The following NPLOC4 variants were observed in gnomAD, a reference collection of about 807,000 sequenced individuals.
The protein encoded by NPLOC4 is nuclear protein localization protein 4 homolog.
A neutral mutation model predicts 80.6 loss-of-function variants in NPLOC4; 18 were observed. The observed-to-expected ratio is 0.22, with a 90% CI of 0.15 to 0.33. NPLOC4 has a LOEUF of 0.33. Ranked by LOEUF, NPLOC4 falls within the 10% of genes least tolerant of loss-of-function variation. The probability of loss-of-function intolerance (pLI) is 1.00; values close to 1 mark genes in which losing one functional copy is unlikely to be tolerated. For synonymous variants in NPLOC4, 313 were observed against 301.5 expected, an observed-to-expected ratio of 1.04 and a Z score of -0.39; for missense variants, 540 against 786.1, an observed-to-expected ratio of 0.69 and a Z score of 3.74.
At position 81,571,206 on chromosome 17, in the gene NPLOC4, C is replaced by T. The variant is rs190254169; in HGVS notation, c.1353+811G>A. Among the ~76,000 whole-genome samples the T allele has an allele frequency of 1.4e-4, 21 of 152,278 alleles. 1 individual carries two copies. The highest frequency in any genetic ancestry group is 4.3e-4 in the African/African-American group (18 of 41,556). ...GATATTTTACTGCCTGAATCACGTG[C>T]CCATCCAATTTCAAATGCAGCCTGA... On this transcript the variant is annotated intron_variant, in intron 13 of 16. Coordinates refer to ENST00000331134, the MANE Select transcript of NPLOC4 (RefSeq NM_017921.4).
intron 1 of NPLOC4, among the ~76,000 whole-genome samples, chr17:81,630,497 T>G (rs1440558867): frequency 2.0e-5 from 3 of 152,054 alleles, no homozygotes; most frequent in African/African-American, 7.2e-5. Context: ...CCCAGGCTGA[T>G]CTCGAGCTCC....
chr17:81,629,907 A>G, intron 1 of NPLOC4, 102 bp from the exon 2 acceptor site: 1 of 828,072 alleles, frequency 1.2e-6, no homozygotes, highest in Non-Finnish European at 2.0e-6. Flanking sequence ...GTCACTGAAA[A>G]TTAAAGCCAA....
chr17:81,583,838 T>C (rs1026149863), intron 12 of NPLOC4, among the ~76,000 whole-genome samples: 2 of 152,236 alleles, frequency 1.3e-5, no homozygotes, highest in African/African-American at 4.8e-5. Context: ...TGTAAATGTA[T>C]GTCCACATCC....
intron 16 of NPLOC4, 65 bp downstream of exon 16, chr17:81,565,440 G>A (rs576331230): frequency 3.0e-6 from 4 of 1,333,126 alleles, no homozygotes; most frequent in Admixed American, 2.0e-5. Context: ...GTGGGGAGCT[G>A]TGCAGAGTGG....
At chr17:81,565,366 C>T (rs1325196241) in intron 16 of NPLOC4, 139 bp downstream of exon 16, 6 of 770,606 alleles carry the variant, frequency 7.8e-6, no homozygotes, top group Non-Finnish European at 1.3e-5. Context: ...AGTCTCTACT[C>T]GTTGCATTGC....
At chr17:81,599,608 T>G (rs568331475) in intron 9 of NPLOC4, among the ~76,000 whole-genome samples, 1 of 152,290 alleles carries the variant, frequency 6.6e-6, no homozygotes, top group South Asian at 2.1e-4. Context: ...CTAGAGATTA[T>G]TTTTCATGGT....
At chr17:81,559,972 T>A (rs2033799020) in intron 16 of NPLOC4, among the ~76,000 whole-genome samples, 1 of 151,018 alleles carries the variant, frequency 6.6e-6, no homozygotes, top group Admixed American at 6.6e-5. Flanking sequence ...TGACCTCAGG[T>A]GATCCACCCA....
At chr17:81,635,862 AGTTT>A (rs966503412) in intron 1 of NPLOC4, among the ~76,000 whole-genome samples, 1 of 152,058 alleles carries the variant, frequency 6.6e-6, no homozygotes, top group Non-Finnish European at 1.5e-5. Flanking sequence ...ATGGTCAGTT[AGTTT>A]TTTTCCCATC....
intron 13 of NPLOC4, among the ~76,000 whole-genome samples, chr17:81,569,770 T>G (rs1353015294): frequency 1.3e-5 from 2 of 152,246 alleles, no homozygotes; most frequent in Non-Finnish European, 2.9e-5. Context: ...AGTCCTTCAC[T>G]GGCTCAGACA....
intron 16 of NPLOC4, among the ~76,000 whole-genome samples, chr17:81,559,930 T>C: frequency 6.6e-6 from 1 of 151,520 alleles, no homozygotes; most frequent in East Asian, 2.0e-4. Flanking sequence ...AACTAGGGTT[T>C]CACCATGTTG....
At chr17:81,627,186 C>A (rs1201719832) in intron 2 of NPLOC4, among the ~76,000 whole-genome samples, 1 of 150,746 alleles carries the variant, frequency 6.6e-6, no homozygotes, top group Admixed American at 6.7e-5. Flanking sequence ...GTCAGGAGAT[C>A]GAGACCATCC....
At position 81,567,673 on chromosome 17, in the gene NPLOC4, A is replaced by G. The variant is rs1350154372; in HGVS notation, c.1450-140T>C. The G allele has an allele frequency of 1.6e-6, 1 of 620,564 alleles. No individual in the cohort carries two copies. The highest frequency in any genetic ancestry group is 2.9e-6 in the Non-Finnish European group (1 of 342,646). 38.4% of individuals were successfully genotyped at this position (620,564 alleles called of 1,614,324 possible). On this transcript the variant is annotated intron_variant, in intron 14 of 16. Transcript: ENST00000331134. The surrounding 1 kb of genome is among the most constrained non-coding windows in gnomAD (Gnocchi z 4.5). The stretch of plus-strand genomic sequence containing the variant: ...TCCCTCTGCCTCTGCAACCACGAAC[A>G]GGGTCCAAGAAAGAGGAGCAGGCAG...
chr17:81,628,367 A>C (rs907346304), intron 2 of NPLOC4, among the ~76,000 whole-genome samples: 1 of 151,990 alleles, frequency 6.6e-6, no homozygotes, highest in Admixed American at 6.6e-5. Context: ...ACAAAAAATT[A>C]GTCAGGTATG....
At chr17:81,594,862 CAT>C (rs1349517816) in intron 11 of NPLOC4, among the ~76,000 whole-genome samples, 3 of 151,936 alleles carry the variant, frequency 2.0e-5, no homozygotes, top group South Asian at 4.2e-4. Flanking sequence ...GGTCGGATCA[CAT>C]GAGCCCAGGA....
rs905975229 is a variant in NPLOC4 at position 81,580,024 on chromosome 17, C to T, written c.1282-7936G>A. ...CCTCCTCTCCTGACTCACCAGGGAG[C>T]TCCTTTCTTGCCTGCCTTCCAGGGC... On this transcript the variant is annotated intron_variant, in intron 12 of 16. Transcript: ENST00000331134. This position sits in a 1 kb window ranked among gnomAD's most constrained non-coding sequence, Gnocchi z 4.4. 2.0e-5 allele frequency among the ~76,000 whole-genome samples: 3 copies of T among 152,154 alleles called. No individual in the cohort carries two copies. The highest frequency in any genetic ancestry group is 2.9e-5 in the Non-Finnish European group (2 of 68,018).
Position 81,573,418 on chromosome 17 carries a change from C to CATT in NPLOC4, c.1282-1333_1282-1331dup, listed in dbSNP as rs576912257. On this transcript the variant is annotated intron_variant, in intron 12 of 16. Coordinates refer to ENST00000331134, the MANE Select transcript of NPLOC4 (RefSeq NM_017921.4). Reference sequence around the variant, plus strand: ...AGCTGTTCCCAAGTCAAACCAAGTCCATTACCCTAATGAGAAGCCCCAGGC... The same window carrying CATT: ...AGCTGTTCCCAAGTCAAACCAAGTCCATTATTACCCTAATGAGAAGCCCCAGGC... The CATT allele has an allele frequency of 2.0e-5, 3 of 152,246 alleles. No individual in the cohort carries two copies. The South Asian group carries it at 6.2e-4, about 32-fold the overall frequency. 9.4% of individuals were successfully genotyped at this position (152,246 alleles called of 1,614,324 possible).
chr17:81,559,215 A>AGGGCT lies in NPLOC4; in HGVS notation c.*39_*43dup. Reference sequence around the variant, plus strand: ...CTCAGCAACGCTTCTGGCTTCAGGAAGGGCTGGGCTGGGCCCGGTCCTAGC... The same window carrying AGGGCT: ...CTCAGCAACGCTTCTGGCTTCAGGAAGGGCTGGGCTGGGCTGGGCCCGGTCCTAGC... On this transcript the variant is annotated 3_prime_UTR_variant, in exon 17 of 17. Transcript: ENST00000331134. 1.3e-6 allele frequency: 2 copies of AGGGCT among 1,546,744 alleles called. No homozygotes were observed. The highest frequency in any genetic ancestry group is 1.7e-6 in the Non-Finnish European group (2 of 1,145,636).
In NPLOC4 at chr17:81,596,126, T is replaced by A. The variant is rs777150721; in HGVS notation, c.1110A>T (p.Ala370=). The part of the protein sequence containing the change: ...DGHFGSKFVT[A]VATGGPDNQV... ...CTGTCCCTGTTATACCTGTAGCCACTGCAGTAACAAACTTGGATCCAAAAT... is the reference window on the plus strand; with the variant it reads ...CTGTCCCTGTTATACCTGTAGCCACAGCAGTAACAAACTTGGATCCAAAAT... The change falls in exon 11 of 17, where the codon GCA becomes GCT. Residue 370 remains alanine, a synonymous_variant. Transcript: ENST00000331134. 6.2e-7 allele frequency: 1 copy of A among 1,613,962 alleles called. No homozygotes were observed. The highest frequency in any genetic ancestry group is 8.5e-7 in the Non-Finnish European group (1 of 1,179,848).
chr17:81,626,302 C>T (rs1359370899), intron 2 of NPLOC4, among the ~76,000 whole-genome samples: 3 of 144,608 alleles, frequency 2.1e-5, no homozygotes, highest in East Asian at 2.1e-4. Flanking sequence ...GGCAACAGAG[C>T]GAGACTCCAT....
Sources: allele counts gnomAD v4.1 joint callset (sites outside exome capture counted in the v4.1 genomes callset), GRCh38; gene constraint gnomAD v4.1.1; non-coding constraint Gnocchi (gnomAD v3.1); transcripts MANE v1.5; gene names NCBI Gene and HGNC (gene_info 2026-07-23, HGNC 2026-07-21).